PHF6: variants seen among roughly 807,000 people sequenced by gnomAD.
The protein encoded by PHF6 is PHD finger protein 6.
Under a neutral mutation model 34.0 loss-of-function variants are expected in PHF6, and 7 were observed. The ratio of observed to expected loss-of-function variants is 0.21; its 90% CI spans 0.12 to 0.39. The LOEUF (loss-of-function observed/expected upper bound fraction) is 0.39. Ranked by LOEUF, PHF6 falls within the 10% of genes least tolerant of loss-of-function variation. The pLI is 1.00. For missense variants in PHF6, 128 were observed against 262.8 expected (o/e 0.49, Z 3.55); for synonymous variants, 89 against 88.4 (o/e 1.01, Z -0.04).
intron 5 of PHF6, among the ~76,000 whole-genome samples, chrX:134,411,302 G>A (rs1462938351): frequency 2.7e-5 from 3 of 111,223 alleles, no homozygotes; most frequent in African/African-American, 9.8e-5. Context: ...GTCTAATATA[G>A]TTAAATATAT....
chrX:134,388,858 G>A (rs2077342089), intron 3 of PHF6, among the ~76,000 whole-genome samples: 1 of 111,818 alleles, frequency 8.9e-6, no homozygotes, highest in African/African-American at 3.2e-5. Context: ...GCTCCTACCC[G>A]ACATTAGCTA....
chrX:134,411,322 G>A (rs762454160), intron 5 of PHF6, among the ~76,000 whole-genome samples: 4 of 111,072 alleles, frequency 3.6e-5, no homozygotes, highest in Admixed American at 9.6e-5. Flanking sequence ...TGAATCTTTC[G>A]TGACTTTTAC....
At position 134,382,566 on chromosome X, in the gene PHF6, CT is replaced by C. The variant is rs377670545; in HGVS notation, c.240+4479del. On this transcript the variant is annotated intron_variant, in intron 3 of 10. Transcript: ENST00000370803. The stretch of plus-strand genomic sequence containing the variant: ...CTATCTACATTGGATAGCTATTCTT[CT>C]TTTTTTTTTTTTTTTTTTAAGATGG... 3.0e-3 allele frequency among the ~76,000 whole-genome samples: 255 copies of C among 84,570 alleles called. 1 individual carries two copies. The highest frequency in any genetic ancestry group is 3.3e-3 in the Non-Finnish European group (142 of 43,515). The allele number at this position is 84,570 out of a possible 115,157, so 73.4% of individuals were successfully genotyped here.
In PHF6 at chrX:134,427,166, T is replaced by C; in HGVS notation, c.*1506T>C. Reference sequence around the variant, plus strand: ...AATGCTTGCTTTTATTTTAACCATCTTTTACTATTTTTAGAAGGAAACTAG... The same window carrying C: ...AATGCTTGCTTTTATTTTAACCATCCTTTACTATTTTTAGAAGGAAACTAG... On this transcript the variant is annotated 3_prime_UTR_variant, in exon 11 of 11. Coordinates refer to ENST00000370803, the MANE Select transcript of PHF6 (RefSeq NM_001015877.2). 6.1e-6 allele frequency: 1 copy of C among 164,236 alleles called. No individual in the cohort carries two copies. The highest frequency in any genetic ancestry group is 1.2e-5 in the Non-Finnish European group (1 of 84,319). 13.5% of individuals were successfully genotyped at this position (164,236 alleles called of 1,213,427 possible). A position where few individuals can be genotyped will look rare whatever the true frequency, so the allele number is the denominator to read the frequency against.
At chrX:134,387,953 T>C (rs1375369306) in intron 3 of PHF6, among the ~76,000 whole-genome samples, 1 of 111,779 alleles carries the variant, frequency 8.9e-6, no homozygotes, top group African/African-American at 3.2e-5. Flanking sequence ...AAGTAGTGTT[T>C]AGTTTGTGTT....
chrX:134,420,568 TA>T (rs200851925), intron 9 of PHF6, among the ~76,000 whole-genome samples: 43 of 105,701 alleles, frequency 4.1e-4, no homozygotes, highest in African/African-American at 1.1e-3. Flanking sequence ...TTTTTCCATT[TA>T]AAAAAAAAAC....
Position 134,413,500 on chromosome X carries a change from A to G in PHF6, c.428A>G (p.Glu143Gly), listed in dbSNP as rs926336151. The G allele has an allele frequency of 8.3e-6, 10 of 1,209,049 alleles. No individual in the cohort carries two copies. The highest frequency in any genetic ancestry group is 1.1e-5 in the Non-Finnish European group (10 of 894,981). ...KTAHNSEADL[E>G]ESFNEHELEP... ...GTTCATTTTTAAGCAGCTGATTTAG[A>G]AGAAAGTTTTAATGAACATGAACTG... Residue 143 changes from glutamate (E) to glycine (G), a missense_variant, in exon 6 of 11, where the codon GAA becomes GGA. Physicochemically the swap from Glu to Gly is moderately conservative, Grantham distance 98. Transcript: ENST00000370803.
At chrX:134,407,000 G>A (rs971811173) in intron 5 of PHF6, among the ~76,000 whole-genome samples, 3 of 111,868 alleles carry the variant, frequency 2.7e-5, no homozygotes, top group Non-Finnish European at 3.8e-5. Context: ...ACATCCAGGA[G>A]CATATGGAAA....
At chrX:134,397,202 A>G (rs763097453) in intron 5 of PHF6, among the ~76,000 whole-genome samples, 14 of 112,334 alleles carry the variant, frequency 1.2e-4, no homozygotes, top group Non-Finnish European at 1.7e-4. Context: ...TGGACTGTGA[A>G]TTTGAAAAGC....
chrX:134,387,043 A>T (rs1373790572), intron 3 of PHF6, among the ~76,000 whole-genome samples: 6 of 111,761 alleles, frequency 5.4e-5, no homozygotes, highest in Non-Finnish European at 1.1e-4. Flanking sequence ...AGCTAAGCGT[A>T]CATGCATTGT....
chrX:134,404,025 G>A (rs1476422052), intron 5 of PHF6, among the ~76,000 whole-genome samples: 1 of 112,062 alleles, frequency 8.9e-6, no homozygotes, highest in Non-Finnish European at 1.9e-5. Context: ...CATTCATTCC[G>A]CAGTTCTTAG....
chrX:134,415,422 A>G, intron 8 of PHF6: 1 of 366,691 alleles, frequency 2.7e-6, no homozygotes, highest in Non-Finnish European at 4.7e-6. Context: ...CATTAAGTTT[A>G]AAATGTTACA....
In PHF6 at chrX:134,418,839, CT is replaced by C. The variant is rs775327610; in HGVS notation, c.968+1553del. 5.2e-3 allele frequency: 509 copies of C among 97,650 alleles called. 1 individual carries two copies. Among genetic ancestry groups the C allele is most frequent in the Admixed American group, 5.8e-3 (52 of 8,907 alleles). 8.0% of individuals were successfully genotyped at this position (97,650 alleles called of 1,213,427 possible). A position where few individuals can be genotyped will look rare whatever the true frequency, so the allele number is the denominator to read the frequency against. On this transcript the variant is annotated intron_variant, in intron 9 of 10. Transcript: ENST00000370803. ...CAAACAAACTGTAGACCAATCTCCC[CT>C]TTTTTTTTTTTTTTTACTTTGAGAC...
Position 134,380,149 on chromosome X carries a change from CT to C in PHF6, c.240+2060del, listed in dbSNP as rs749900020. 5.6e-3 allele frequency among the ~76,000 whole-genome samples: 540 copies of C among 96,211 alleles called. 1 individual carries two copies. Among genetic ancestry groups the C allele is most frequent in the African/African-American group, 0.013 (338 of 26,729 alleles). 83.5% of individuals were successfully genotyped at this position (96,211 alleles called of 115,157 possible). On this transcript the variant is annotated intron_variant, in intron 3 of 10. Transcript: ENST00000370803. ...CAGTGGAGATTTAATTTATTTGGAC[CT>C]TTTTTTTTTTTTTTTTGACAGAGTC...
rs935910797 is a variant in PHF6 at position 134,427,828 on chromosome X, C to T, written c.*2168C>T. On this transcript the variant is annotated 3_prime_UTR_variant, in exon 11 of 11. Transcript: ENST00000370803. The stretch of plus-strand genomic sequence containing the variant: ...TGTTTTGATTCTCTAATCATGTTTT[C>T]GTCACATGCTGAGTAAAAGTGCCTT... 2.5e-5 allele frequency: 4 copies of T among 157,502 alleles called. No individual in the cohort carries two copies. The highest frequency in any genetic ancestry group is 3.3e-4 in the South Asian group (1 of 3,054). 13.0% of individuals were successfully genotyped at this position (157,502 alleles called of 1,213,427 possible). A position where few individuals can be genotyped will look rare whatever the true frequency, so the allele number is the denominator to read the frequency against.
intron 5 of PHF6, among the ~76,000 whole-genome samples, chrX:134,403,715 C>G (rs2077411843): frequency 8.9e-6 from 1 of 111,845 alleles, no homozygotes; most frequent in African/African-American, 3.2e-5. Flanking sequence ...CAGTCTGAGT[C>G]TTGTTAGGGG....
chrX:134,411,455 A>G (rs765807305), intron 5 of PHF6, among the ~76,000 whole-genome samples: 27 of 110,754 alleles, frequency 2.4e-4, no homozygotes, highest in Admixed American at 4.8e-4. Flanking sequence ...ATTTTTATAG[A>G]TGTTTAATAA....
At chrX:134,375,604 C>T (rs748833225) in intron 1 of PHF6, among the ~76,000 whole-genome samples, 3 of 111,973 alleles carry the variant, frequency 2.7e-5, no homozygotes, top group Non-Finnish European at 5.6e-5. Flanking sequence ...TTGATTTATA[C>T]TGTGCCATCC....
In PHF6 at chrX:134,420,873, T is replaced by C. The variant is rs969835386; in HGVS notation, c.968+3571T>C. ...CCTCCCAAAGTGCTGGGATTACAGC[T>C]GTGAGCCACCATGCCTGGCCAAAAA... On this transcript the variant is annotated intron_variant, in intron 9 of 10. Coordinates refer to ENST00000370803, the MANE Select transcript of PHF6 (RefSeq NM_001015877.2). Among the ~76,000 whole-genome samples, 5 of 111,547 alleles carry C rather than the reference T, an allele frequency of 4.5e-5. No homozygotes were observed. In the Admixed American group the frequency reaches 4.8e-4, roughly 11 times the overall value.
Sources: gnomAD v4.1 joint callset for allele counts (sites outside exome capture counted in the v4.1 genomes callset) on GRCh38, gnomAD v4.1.1 for gene constraint, MANE v1.5 for transcripts, NCBI Gene and HGNC (gene_info 2026-07-23, HGNC 2026-07-21) for gene names.